Variants in CWC27 observed in about 807,000 individuals in gnomAD.
CWC27 encodes spliceosome-associated protein CWC27 homolog.
A neutral mutation model predicts 63.6 loss-of-function variants in CWC27; 47 were observed. That is an observed-to-expected ratio of 0.74 (90% CI 0.58 to 0.94). The LOEUF is 0.94. CWC27 is among the 40% of genes least tolerant of loss of function. The pLI is 0.00. For synonymous variants in CWC27, 175 were observed against 179.8 expected (o/e 0.97, Z 0.22); for missense variants, 495 against 554.3 (o/e 0.89, Z 1.07).
At chr5:64,790,185 A>C (rs1236310414) in intron 7 of CWC27, among the ~76,000 whole-genome samples, 1 of 152,152 alleles carries the variant, frequency 6.6e-6, no homozygotes, top group Non-Finnish European at 1.5e-5. Context: ...CCAACATTCT[A>C]AACTCTAGGA....
chr5:64,998,556 T>A (rs530342798), intron 13 of CWC27, among the ~76,000 whole-genome samples: 9 of 152,230 alleles, frequency 5.9e-5, no homozygotes, highest in African/African-American at 2.2e-4. Flanking sequence ...GAAGACACTA[T>A]GAGGATTTCT....
intron 10 of CWC27, among the ~76,000 whole-genome samples, chr5:64,823,286 GCTCACTGT>G (rs1459657132): frequency 2.6e-5 from 4 of 152,154 alleles, no homozygotes; most frequent in Non-Finnish European, 5.9e-5. Context: ...CCATAGAGCA[GCTCACTGT>G]CTGATACTCT....
chr5:65,016,697 G>A (rs1750054018), intron 13 of CWC27, among the ~76,000 whole-genome samples: 1 of 152,136 alleles, frequency 6.6e-6, no homozygotes, highest in Non-Finnish European at 1.5e-5. Flanking sequence ...CACTAAAATT[G>A]TGACATTTTA....
intron 13 of CWC27, among the ~76,000 whole-genome samples, chr5:65,015,499 G>C (rs1011780988): frequency 6.6e-6 from 1 of 152,166 alleles, no homozygotes; most frequent in African/African-American, 2.4e-5. Flanking sequence ...GTAAGCACTT[G>C]GAACGCTGCT....
chr5:64,924,613 G>A (rs939944865), intron 11 of CWC27, among the ~76,000 whole-genome samples: 1 of 152,030 alleles, frequency 6.6e-6, no homozygotes, highest in Non-Finnish European at 1.5e-5. Context: ...ATCTAAATGT[G>A]CACATCCTTT....
chr5:64,970,416 G>T (rs943646056), intron 11 of CWC27, among the ~76,000 whole-genome samples: 15 of 151,992 alleles, frequency 9.9e-5, no homozygotes, highest in Non-Finnish European at 1.9e-4. Flanking sequence ...GTTTCACCGT[G>T]CTAGCCAGGA....
chr5:64,929,706 G>A (rs13179963), intron 11 of CWC27, among the ~76,000 whole-genome samples: 91,836 of 151,686 alleles, frequency 0.61, 29,107 homozygotes, highest in Non-Finnish European at 0.71. Flanking sequence ...TTAAGGTAAC[G>A]GAGGAACCAA....
At chr5:64,780,800 G>A (rs946469643) in intron 2 of CWC27, among the ~76,000 whole-genome samples, 5 of 151,850 alleles carry the variant, frequency 3.3e-5, no homozygotes, top group Non-Finnish European at 2.9e-5. Context: ...CAATGTAAAA[G>A]GGTTCCAGTT....
At chr5:64,776,759 C>T (rs1353860442) in intron 2 of CWC27, among the ~76,000 whole-genome samples, 1 of 151,984 alleles carries the variant, frequency 6.6e-6, no homozygotes, top group Non-Finnish European at 1.5e-5. Flanking sequence ...GATCTTGAAA[C>T]ACTCATATTT....
At chr5:64,994,839 T>C (rs1261579395) in intron 13 of CWC27, among the ~76,000 whole-genome samples, 1 of 152,198 alleles carries the variant, frequency 6.6e-6, no homozygotes, top group East Asian at 1.9e-4. Context: ...ATAACAGATA[T>C]ATAGTAATCA....
At chr5:64,872,797 C>T (rs1269718856) in intron 10 of CWC27, among the ~76,000 whole-genome samples, 1 of 152,136 alleles carries the variant, frequency 6.6e-6, no homozygotes, top group Non-Finnish European at 1.5e-5. Flanking sequence ...ATGCTCTTAT[C>T]TCAGTGATTT....
intron 10 of CWC27, among the ~76,000 whole-genome samples, chr5:64,850,750 C>T (rs188199728): frequency 7.9e-5 from 12 of 151,960 alleles, no homozygotes; most frequent in East Asian, 5.8e-4. Context: ...AACCTGGGGA[C>T]GGGACCTGAA....
intron 11 of CWC27, among the ~76,000 whole-genome samples, chr5:64,893,555 G>A (rs1043734163): frequency 1.3e-5 from 2 of 149,546 alleles, no homozygotes; most frequent in African/African-American, 5.0e-5. Context: ...TGCAGCTTTT[G>A]AGTATTAGTA....
chr5:64,850,122 A>G (rs1746097675), intron 10 of CWC27, among the ~76,000 whole-genome samples: 1 of 152,058 alleles, frequency 6.6e-6, no homozygotes, highest in Admixed American at 6.5e-5. Context: ...AGCCAAGGCA[A>G]TTATGAGCAG....
chr5:64,909,984 G>A (rs185930284), intron 11 of CWC27, among the ~76,000 whole-genome samples: 2 of 152,186 alleles, frequency 1.3e-5, no homozygotes, highest in African/African-American at 4.8e-5. Flanking sequence ...GCAAGGAGCT[G>A]TGATCCTTTG....
intron 10 of CWC27, 113 bp downstream of exon 10, chr5:64,804,499 G>T (rs1744595041): frequency 1.6e-5 from 18 of 1,129,538 alleles, no homozygotes; most frequent in Non-Finnish European, 1.8e-5. Flanking sequence ...CATAATGTTT[G>T]ATAAACATAA....
intron 10 of CWC27, among the ~76,000 whole-genome samples, chr5:64,879,901 C>CT (rs902680267): frequency 4.6e-5 from 7 of 151,878 alleles, no homozygotes; most frequent in Non-Finnish European, 7.4e-5. Flanking sequence ...TTTCTCAGCT[C>CT]TATCTTTCAT....
chr5:64,830,398 C>G (rs1350480819), intron 10 of CWC27, among the ~76,000 whole-genome samples: 1 of 152,080 alleles, frequency 6.6e-6, no homozygotes, highest in Non-Finnish European at 1.5e-5. Context: ...AAACTGGATT[C>G]TTTCTTTACA....
intron 10 of CWC27, among the ~76,000 whole-genome samples, chr5:64,830,862 T>G (rs1745499628): frequency 6.6e-6 from 1 of 152,148 alleles, no homozygotes; most frequent in South Asian, 2.1e-4. Context: ...CCATGTTGTA[T>G]ATGTGCCACA....
Sources: allele counts gnomAD v4.1 joint callset (sites outside exome capture counted in the v4.1 genomes callset), GRCh38; gene constraint gnomAD v4.1.1; transcripts MANE v1.5; gene names NCBI Gene and HGNC (gene_info 2026-07-23, HGNC 2026-07-21).